Variants in LRP1B observed in about 807,000 individuals in gnomAD.
The protein encoded by LRP1B is low-density lipoprotein receptor-related protein 1B.
LRP1B carries 217 observed loss-of-function variants against 556.6 expected under a neutral mutation model. That is an observed-to-expected ratio of 0.39 (90% CI 0.35 to 0.44). The LOEUF is 0.44. Among genes scored for constraint, LRP1B ranks in the 20% least tolerant of loss-of-function variants. The pLI, the probability that LRP1B is intolerant of heterozygous loss-of-function variation, is 1.00. For synonymous variants in LRP1B, 2,047 were observed against 1,865.8 expected (o/e 1.10, Z -2.50); for missense variants, 5,053 against 5,620.8 (o/e 0.90, Z 3.23).
chr2:141,895,020 C>G (rs534466782), intron 1 of LRP1B, among the ~76,000 whole-genome samples: 14 of 144,124 alleles, frequency 9.7e-5, no homozygotes, highest in Admixed American at 2.8e-4. Flanking sequence ...TGCACTCCAG[C>G]CTTGGCAACA....
chr2:141,224,995 T>C (rs762473356), intron 6 of LRP1B, among the ~76,000 whole-genome samples: 11 of 151,918 alleles, frequency 7.2e-5, no homozygotes, highest in Non-Finnish European at 1.3e-4. Context: ...AAATAAAAGA[T>C]AAAAAATTGT....
intron 7 of LRP1B, among the ~76,000 whole-genome samples, chr2:141,115,644 T>TGC (rs1700876852): frequency 8.4e-6 from 1 of 118,696 alleles, no homozygotes; most frequent in Non-Finnish European, 1.9e-5. Flanking sequence ...TGTGTGTGTG[T>TGC]GTGTGTGTGT....
At chr2:141,597,203 A>T (rs1258954884) in intron 2 of LRP1B, among the ~76,000 whole-genome samples, 1 of 152,042 alleles carries the variant, frequency 6.6e-6, no homozygotes, top group Non-Finnish European at 1.5e-5. Context: ...AGCAAAATTC[A>T]CACACGATAA....
At chr2:140,860,975 CATCTATCTATCT>C (rs35339728) in intron 27 of LRP1B, among the ~76,000 whole-genome samples, 5,221 of 145,940 alleles carry the variant, frequency 0.036, 127 homozygotes, top group Non-Finnish European at 0.053. Context: ...GAGAATTGTG[CATCTATCTATCT>C]ATCTATCTAT....
intron 37 of LRP1B, among the ~76,000 whole-genome samples, chr2:140,705,521 C>CAAAAAAA (rs565447198): frequency 8.5e-4 from 58 of 68,204 alleles, no homozygotes; most frequent in East Asian, 1.2e-3. Context: ...GAGACTGTCT[C>CAAAAAAA]AAAAAAAAAA....
rs771974903 is a variant in LRP1B, at chr2:140,702,418, C to A, written c.6150+9G>T. The A allele has an allele frequency of 1.2e-6, 2 of 1,612,322 alleles. No individual in the cohort carries two copies. Among genetic ancestry groups the A allele is most frequent in the Admixed American group, 1.7e-5 (1 of 59,634 alleles). On this transcript the variant is annotated intron_variant, in intron 38 of 90. Transcript: ENST00000389484. ...GGCACTTTAAATACTGAAAAGAAATCCAACAGACCTCATAGTCGATGGAGA... is the reference window on the plus strand; with the variant it reads ...GGCACTTTAAATACTGAAAAGAAATACAACAGACCTCATAGTCGATGGAGA...
At chr2:141,474,426 T>TG (rs11427868) in intron 3 of LRP1B, among the ~76,000 whole-genome samples, 158 of 151,904 alleles carry the variant, frequency 1.0e-3, no homozygotes, top group Admixed American at 3.4e-3. Flanking sequence ...TTTAGCACTT[T>TG]TCATAAGAGT....
rs776299869 is a variant in LRP1B at position 141,272,899 on chromosome 2, AT to A, written c.344-18259del. 3.4e-4 allele frequency among the ~76,000 whole-genome samples: 52 copies of A among 152,366 alleles called. 1 individual carries two copies. The highest frequency in any genetic ancestry group is 4.4e-4 in the Non-Finnish European group (30 of 68,032). ...AGACCTCAATGTTCCACTTTTAATA[AT>A]GGCAAGAACAATTAAGCAGTAGATC... On this transcript the variant is annotated intron_variant, in intron 3 of 90. Transcript: ENST00000389484.
intron 12 of LRP1B, among the ~76,000 whole-genome samples, chr2:141,019,135 C>G (rs1053394730): frequency 1.3e-5 from 2 of 151,964 alleles, no homozygotes; most frequent in Non-Finnish European, 2.9e-5. Flanking sequence ...TTTGATATTT[C>G]TATAAGTACA....
At chr2:141,375,693 T>C (rs1234490150) in intron 3 of LRP1B, among the ~76,000 whole-genome samples, 1 of 152,148 alleles carries the variant, frequency 6.6e-6, no homozygotes, top group African/African-American at 2.4e-5. Flanking sequence ...TAGCATTAAA[T>C]TCCCAATATT....
Position 141,211,329 on chromosome 2 carries a change from T to C in LRP1B, c.850+17854A>G, listed in dbSNP as rs1428039516. On this transcript the variant is annotated intron_variant, in intron 6 of 90. Coordinates refer to ENST00000389484, the MANE Select transcript of LRP1B (RefSeq NM_018557.3). Reference sequence around the variant, plus strand: ...TAAAAAAAAAAAACAAAACAAAAACTAAGCATTCAGGGCCGGGCACGGTGC... The same window carrying C: ...TAAAAAAAAAAAACAAAACAAAAACCAAGCATTCAGGGCCGGGCACGGTGC... Among the ~76,000 whole-genome samples, 16 of 148,384 alleles carry C rather than the reference T, an allele frequency of 1.1e-4. No individual in the cohort carries two copies. In the South Asian group the frequency reaches 3.4e-3, roughly 32 times the overall value.
At chr2:141,401,054 T>G (rs2104924891) in intron 3 of LRP1B, among the ~76,000 whole-genome samples, 1 of 152,332 alleles carries the variant, frequency 6.6e-6, no homozygotes, top group East Asian at 1.9e-4. Context: ...TTTTAAAAGC[T>G]GGCAATTAAA....
At chr2:140,271,391 A>G (rs913789273) in intron 85 of LRP1B, among the ~76,000 whole-genome samples, 7 of 152,058 alleles carry the variant, frequency 4.6e-5, no homozygotes, top group East Asian at 3.9e-4. Flanking sequence ...TCGATTGATC[A>G]CTTTGATCCT....
intron 3 of LRP1B, among the ~76,000 whole-genome samples, chr2:141,409,670 C>T (rs954757960): frequency 1.3e-5 from 2 of 152,000 alleles, no homozygotes; most frequent in African/African-American, 2.4e-5. Context: ...ATGGAACTTA[C>T]ATCCTACAAG....
At chr2:141,026,817 G>A (rs1256298443) in intron 11 of LRP1B, among the ~76,000 whole-genome samples, 1 of 152,050 alleles carries the variant, frequency 6.6e-6, no homozygotes, top group African/African-American at 2.4e-5. Flanking sequence ...TTAGGCAGCA[G>A]CCTTGTTGTG....
intron 15 of LRP1B, among the ~76,000 whole-genome samples, chr2:141,001,244 A>G (rs1573968371): frequency 6.6e-6 from 1 of 152,084 alleles, no homozygotes; most frequent in African/African-American, 2.4e-5. Flanking sequence ...GGCCAATAAA[A>G]CTAGATTTAA....
At chr2:141,793,175 G>A (rs918579528) in intron 2 of LRP1B, among the ~76,000 whole-genome samples, 7 of 151,834 alleles carry the variant, frequency 4.6e-5, no homozygotes, top group African/African-American at 1.7e-4. Flanking sequence ...ATAGCTTCAT[G>A]TTGCATGCTT....
chr2:141,763,701 C>T (rs1254874390), intron 2 of LRP1B, among the ~76,000 whole-genome samples: 1 of 152,030 alleles, frequency 6.6e-6, no homozygotes, highest in East Asian at 1.9e-4. Context: ...CAGAATATAT[C>T]TTAAAGAAAT....
At chr2:140,744,349 A>G (rs528106204) in intron 35 of LRP1B, among the ~76,000 whole-genome samples, 1 of 152,272 alleles carries the variant, frequency 6.6e-6, no homozygotes, top group South Asian at 2.1e-4. Flanking sequence ...ACAAAATTTC[A>G]TGGAAAATTC....
Sources: gnomAD v4.1 joint callset for allele counts (sites outside exome capture counted in the v4.1 genomes callset) on GRCh38, gnomAD v4.1.1 for gene constraint, MANE v1.5 for transcripts, NCBI Gene and HGNC (gene_info 2026-07-23, HGNC 2026-07-21) for gene names.